Variants in OR2L13 observed in about 807,000 individuals in gnomAD.
OR2L13 encodes olfactory receptor family 2 subfamily L member 13.
Under a neutral mutation model 15.3 loss-of-function variants are expected in OR2L13, and 14 were observed. The ratio of observed to expected loss-of-function variants is 0.91; its 90% CI spans 0.60 to 1.43. The LOEUF (loss-of-function observed/expected upper bound fraction) is 1.43, where lower values mean the gene tolerates loss of function less well. OR2L13 is among the 40% of genes most tolerant of loss of function. The pLI is 0.00. For missense variants in OR2L13, 367 were observed against 387.9 expected (o/e 0.95, Z 0.45); for synonymous variants, 152 against 142.9 (o/e 1.06, Z -0.45).
At chr1:248,083,056 A>C in the OR2L13 span, among the ~76,000 whole-genome samples, 1 of 152,222 alleles carries the variant, frequency 6.6e-6, no homozygotes, top group Non-Finnish European at 1.5e-5. Flanking sequence ...AAATAAAAAC[A>C]GACTGTGGAA....
At chr1:248,078,386 T>C in the OR2L13 span, among the ~76,000 whole-genome samples, 1 of 151,894 alleles carries the variant, frequency 6.6e-6, no homozygotes, top group African/African-American at 2.4e-5. Flanking sequence ...GGCAGGAGAA[T>C]CACTTGAAAC....
chr1:248,099,910 G>T (rs747401128), exon 3 of OR2L13: 3 of 1,613,926 alleles, frequency 1.9e-6, no homozygotes, highest in African/African-American at 1.3e-5. Flanking sequence ...TTTCTTCTGC[G>T]ATGTCCCAGC....
the OR2L13 span, among the ~76,000 whole-genome samples, chr1:248,009,111 C>A: frequency 6.6e-6 from 1 of 152,042 alleles, no homozygotes; most frequent in African/African-American, 2.4e-5. Context: ...GACACACTAA[C>A]ATCACAATTA....
chr1:248,005,239 C>A, the OR2L13 span, among the ~76,000 whole-genome samples: 6 of 152,014 alleles, frequency 3.9e-5, no homozygotes, highest in Non-Finnish European at 8.8e-5. Context: ...ATGGTTACCC[C>A]AATTACCCAA....
chr1:248,024,956 A>G, the OR2L13 span, among the ~76,000 whole-genome samples: 3 of 152,174 alleles, frequency 2.0e-5, no homozygotes, highest in Admixed American at 1.3e-4. Context: ...AGTCATTGGT[A>G]GCTTGATGGG....
chr1:248,055,135 G>T, the OR2L13 span, among the ~76,000 whole-genome samples: 1 of 152,148 alleles, frequency 6.6e-6, no homozygotes, highest in African/African-American at 2.4e-5. Flanking sequence ...TTTGTTGAGA[G>T]TTTTTAACAT....
At chr1:248,027,403 G>A in the OR2L13 span, among the ~76,000 whole-genome samples, 1 of 152,166 alleles carries the variant, frequency 6.6e-6, no homozygotes, top group Non-Finnish European at 1.5e-5. Flanking sequence ...TTTGCCTTGT[G>A]ATATTTTATT....
At chr1:248,022,960 T>G in the OR2L13 span, 1 of 1,319,320 alleles carries the variant, frequency 7.6e-7, no homozygotes, top group Non-Finnish European at 1.0e-6. Context: ...AAGAAAAACA[T>G]TATTACATGC....
chr1:248,016,536 CTTA>C, the OR2L13 span, among the ~76,000 whole-genome samples: 2 of 151,880 alleles, frequency 1.3e-5, no homozygotes, highest in Admixed American at 1.3e-4. Flanking sequence ...ATATAAAAAT[CTTA>C]TTATTTCTCA....
chr1:248,056,836 C>T, the OR2L13 span, among the ~76,000 whole-genome samples: 1 of 151,832 alleles, frequency 6.6e-6, no homozygotes, highest in South Asian at 2.1e-4. Flanking sequence ...TTTTAGTAGA[C>T]ACAGGGTTTC....
the OR2L13 span, among the ~76,000 whole-genome samples, chr1:247,956,283 C>T: frequency 6.6e-6 from 1 of 151,876 alleles, no homozygotes; most frequent in Non-Finnish European, 1.5e-5. Flanking sequence ...TGAGGGCTCT[C>T]TTCTGTTCCA....
chr1:248,093,429 T>C (rs1237562105), upstream of OR2L13, among the ~76,000 whole-genome samples: 1 of 152,194 alleles, frequency 6.6e-6, no homozygotes, highest in Non-Finnish European at 1.5e-5. Flanking sequence ...AGAATGAGTT[T>C]TACCTGGGTT....
the OR2L13 span, chr1:247,965,965 T>C: frequency 6.2e-7 from 1 of 1,609,630 alleles, no homozygotes; most frequent in Non-Finnish European, 8.5e-7. Context: ...CCAGTATGAG[T>C]ATACAGTCCT....
chr1:248,076,362 G>A, the OR2L13 span, among the ~76,000 whole-genome samples: 1 of 152,174 alleles, frequency 6.6e-6, no homozygotes, highest in Non-Finnish European at 1.5e-5. Flanking sequence ...CTTTAAAGTA[G>A]TTTTTTACAG....
the OR2L13 span, among the ~76,000 whole-genome samples, chr1:248,011,765 T>C: frequency 3.3e-5 from 5 of 152,188 alleles, no homozygotes; most frequent in African/African-American, 1.2e-4. Context: ...TCTGCTGTTT[T>C]GGCATTTTGG....
At chr1:248,003,762 T>C in the OR2L13 span, 3 of 1,613,786 alleles carry the variant, frequency 1.9e-6, no homozygotes, top group Admixed American at 5.0e-5. Flanking sequence ...TTTCCCTTCA[T>C]TGCTATTTCA....
chr1:248,025,825 T>C, the OR2L13 span, among the ~76,000 whole-genome samples: 9 of 151,898 alleles, frequency 5.9e-5, no homozygotes, highest in African/African-American at 1.5e-4. Flanking sequence ...TGGAAATCAT[T>C]ATTCTCAGTA....
chr1:248,043,058 C>G, the OR2L13 span, among the ~76,000 whole-genome samples: 1 of 152,148 alleles, frequency 6.6e-6, no homozygotes, highest in African/African-American at 2.4e-5. Context: ...AGTCACCACT[C>G]TTGCTCCTTC....
the OR2L13 span, among the ~76,000 whole-genome samples, chr1:247,964,572 G>A: frequency 2.1e-4 from 32 of 151,898 alleles, no homozygotes; most frequent in Admixed American, 5.2e-4. Context: ...ATAGTGCATG[G>A]TGGTGTTACT....
Sources: allele counts gnomAD v4.1 joint callset (sites outside exome capture counted in the v4.1 genomes callset), GRCh38; gene constraint gnomAD v4.1.1; transcripts MANE v1.5; gene names NCBI Gene and HGNC (gene_info 2026-07-23, HGNC 2026-07-21).